The following RPL7L1 variants were observed in gnomAD, a reference collection of about 807,000 sequenced individuals.
RPL7L1 encodes the protein ribosomal protein L7 like 1.
Under a neutral mutation model 30.3 loss-of-function variants are expected in RPL7L1, and 20 were observed. The ratio of observed to expected loss-of-function variants is 0.66; its 90% CI spans 0.46 to 0.96. The LOEUF (loss-of-function observed/expected upper bound fraction) is 0.96. Among genes scored for constraint, RPL7L1 ranks in the 40% least tolerant of loss-of-function variants. The pLI is 0.00. For synonymous variants in RPL7L1, 107 were observed against 110.1 expected (o/e 0.97, Z 0.18); for missense variants, 271 against 314.9 (o/e 0.86, Z 1.05).
At chr6:42,884,835 T>A (rs1182062142) in intron 4 of RPL7L1, 85 bp downstream of exon 4, 7 of 1,363,018 alleles carry the variant, frequency 5.1e-6, no homozygotes, top group Middle Eastern at 1.8e-4. Flanking sequence ...CCAGGGCTCA[T>A]GTTGCTGTAG....
rs776860937 is a variant in RPL7L1, at chr6:42,884,664, A to G, written c.363A>G (p.Leu121=). Residue 121 remains leucine, a synonymous_variant, in exon 4 of 6, where the codon CTA becomes CTG. Coordinates refer to ENST00000493763, the MANE Select transcript of RPL7L1 (RefSeq NM_001366481.3). ...AGAGAACCATTGCAAGACTTCGCCT[A>G]AAGAAAATTTTTAGTGGTGTCTTTG... ...LVQRTIARLR[L]KKIFSGVFVK... 6.2e-7 allele frequency: 1 copy of G among 1,613,956 alleles called. No individual in the cohort carries two copies. The highest frequency in any genetic ancestry group is 8.5e-7 in the Non-Finnish European group (1 of 1,179,912).
In RPL7L1 at chr6:42,879,826, G is replaced by A; in HGVS notation, c.-85G>A. ...CACTGCGGCTAAGTGAACGCTGACT[G>A]GTCCTCCAGCGTGAGCTAGAACAGA... is the stretch of plus-strand genomic sequence containing the variant. On this transcript the variant is annotated 5_prime_UTR_variant, in exon 1 of 6. Coordinates refer to ENST00000493763, the MANE Select transcript of RPL7L1 (RefSeq NM_001366481.3). 1 of 1,432,410 alleles carries A rather than the reference G, an allele frequency of 7.0e-7. No homozygotes were observed. The highest frequency in any genetic ancestry group is 9.8e-7 in the Non-Finnish European group (1 of 1,017,522). 88.7% of individuals were successfully genotyped at this position (1,432,410 alleles called of 1,614,324 possible).
Position 42,879,777 on chromosome 6 carries a change from G to A in RPL7L1, c.-134G>A. On this transcript the variant is annotated 5_prime_UTR_variant, in exon 1 of 6. Transcript: ENST00000493763. ...AGCGGTGCAACTTTTGGCAGGAATC[G>A]GGGTTAGCGGGACCTCAAGGGCTCA... 3 of 832,666 alleles carry A rather than the reference G, an allele frequency of 3.6e-6. No individual in the cohort carries two copies. The highest frequency in any genetic ancestry group is 3.6e-4 in the Middle Eastern group (1 of 2,746). The allele number at this position is 832,666 out of a possible 1,614,324, so 51.6% of individuals were successfully genotyped here.
At chr6:42,881,067 CG>C in intron 2 of RPL7L1, 101 bp downstream of exon 2, 2 of 695,224 alleles carry the variant, frequency 2.9e-6, no homozygotes, top group Non-Finnish European at 5.1e-6. Context: ...CTCCCCCCAA[CG>C]GTTTGACAGA....
At chr6:42,885,045 C>T (rs1270620823) in intron 4 of RPL7L1, among the ~76,000 whole-genome samples, 1 of 152,138 alleles carries the variant, frequency 6.6e-6, no homozygotes, top group African/African-American at 2.4e-5. Flanking sequence ...GAGTAGTATT[C>T]CTGGCCGGAC....
rs1766310121 is a variant in RPL7L1 at position 42,887,387 on chromosome 6, A to G, written c.*923A>G. On this transcript the variant is annotated 3_prime_UTR_variant, in exon 6 of 6. Coordinates refer to ENST00000493763, the MANE Select transcript of RPL7L1 (RefSeq NM_001366481.3). The stretch of plus-strand genomic sequence containing the variant: ...CACCTGAGGTTGGGAGTTCGAGACC[A>G]GCCTGACCAACATGGAGAAATGCCA... 1 of 152,142 alleles carries G rather than the reference A, an allele frequency of 6.6e-6. No individual in the cohort carries two copies. Among genetic ancestry groups the G allele is most frequent in the African/African-American group, 2.4e-5 (1 of 41,406 alleles). The allele number at this position is 152,142 out of a possible 1,614,324, so 9.4% of individuals were successfully genotyped here.
In RPL7L1 at chr6:42,879,705, A is replaced by C. The variant is rs1765996384; in HGVS notation, c.-206A>C. The C allele has an allele frequency of 1.8e-6, 1 of 541,802 alleles. No individual in the cohort carries two copies. Among genetic ancestry groups the C allele is most frequent in the Non-Finnish European group, 3.4e-6 (1 of 297,992 alleles). The allele number at this position is 541,802 out of a possible 1,614,324, so 33.6% of individuals were successfully genotyped here. ...TTGTGATGAAACTGTAACTTACAAG[A>C]AAAGGGCTGGGTTTTGAAAATAACA... On this transcript the variant is annotated 5_prime_UTR_variant, in exon 1 of 6. Transcript: ENST00000493763.
intron 1 of RPL7L1, 116 bp downstream of exon 1, chr6:42,880,067 GT>G: frequency 9.6e-7 from 1 of 1,045,310 alleles, no homozygotes; most frequent in Non-Finnish European, 1.5e-6. Flanking sequence ...AAAGGCCACA[GT>G]TTACAAAGGG....
chr6:42,885,877 T>G, intron 4 of RPL7L1, 97 bp from the exon 5 acceptor site: 1 of 702,590 alleles, frequency 1.4e-6, no homozygotes, highest in South Asian at 1.6e-5. Flanking sequence ...GAGAAGTGAG[T>G]GTGTGGGAGA....
At position 42,884,583 on chromosome 6, in the gene RPL7L1, C is replaced by T; in HGVS notation, c.312-30C>T. On this transcript the variant is annotated intron_variant, in intron 3 of 5. Coordinates refer to ENST00000493763, the MANE Select transcript of RPL7L1 (RefSeq NM_001366481.3). ...TGGACTGACATAAACTGGAGGGAGT[C>T]TGTCTGACTTCTGTTGCTGTTCATT... 4 of 1,605,696 alleles carry T rather than the reference C, an allele frequency of 2.5e-6. No individual in the cohort carries two copies. In the South Asian group the frequency reaches 3.3e-5, roughly 13 times the overall value.
chr6:42,880,021 C>T, intron 1 of RPL7L1, 70 bp downstream of exon 1: 2 of 1,472,756 alleles, frequency 1.4e-6, no homozygotes, highest in Non-Finnish European at 1.9e-6. Flanking sequence ...GGTGTTTATG[C>T]CTTGGTGGCG....
chr6:42,883,434 G>A lies in RPL7L1; in HGVS notation c.148-17G>A, dbSNP rs1278144575. On this transcript the variant is annotated splice_polypyrimidine_tract_variant and intron_variant, in intron 2 of 5. Coordinates refer to ENST00000493763, the MANE Select transcript of RPL7L1 (RefSeq NM_001366481.3). ...ATGGAGGCACAAGATGATGATGATGGTCTGTCTTCTCTGTAGCAGAAGAAA... is the reference window on the plus strand; with the variant it reads ...ATGGAGGCACAAGATGATGATGATGATCTGTCTTCTCTGTAGCAGAAGAAA... 11 of 1,543,466 alleles carry A rather than the reference G, an allele frequency of 7.1e-6. No homozygotes were observed. Among genetic ancestry groups the A allele is most frequent in the African/African-American group, 1.4e-5 (1 of 72,148 alleles).
chr6:42,880,983 A>C lies in RPL7L1; in HGVS notation c.147+17A>C. On this transcript the variant is annotated intron_variant, in intron 2 of 5. Coordinates refer to ENST00000493763, the MANE Select transcript of RPL7L1 (RefSeq NM_001366481.3). ...AAGAAGGAGGTAATGGTGGGGAACC[A>C]AGAGAAAGTAATTAGAATTTTTATT... 1 of 1,289,694 alleles carries C rather than the reference A, an allele frequency of 7.8e-7. No individual in the cohort carries two copies. The highest frequency in any genetic ancestry group is 1.1e-6 in the Non-Finnish European group (1 of 886,102). The allele number at this position is 1,289,694 out of a possible 1,614,324, so 79.9% of individuals were successfully genotyped here. A position where few individuals can be genotyped will look rare whatever the true frequency, so the allele number is the denominator to read the frequency against.
chr6:42,889,224 T>C lies in RPL7L1; in HGVS notation c.*2760T>C, dbSNP rs947953854. ...AGGAGGCTGAGGCAGGCAGATCACTTGAGGTCAGGAGTTCGAGACCAGCCT... is the reference window on the plus strand; with the variant it reads ...AGGAGGCTGAGGCAGGCAGATCACTCGAGGTCAGGAGTTCGAGACCAGCCT... On this transcript the variant is annotated 3_prime_UTR_variant, in exon 6 of 6. Transcript: ENST00000493763. 6.6e-6 allele frequency: 1 copy of C among 152,282 alleles called. No homozygotes were observed. Among genetic ancestry groups the C allele is most frequent in the African/African-American group, 2.4e-5 (1 of 41,446 alleles). The allele number at this position is 152,282 out of a possible 1,614,324, so 9.4% of individuals were successfully genotyped here. A position where few individuals can be genotyped will look rare whatever the true frequency, so the allele number is the denominator to read the frequency against.
chr6:42,884,369 A>G (rs374212063), intron 3 of RPL7L1, among the ~76,000 whole-genome samples: 1 of 152,158 alleles, frequency 6.6e-6, no homozygotes, highest in African/African-American at 2.4e-5. Context: ...GTGTAGACCT[A>G]CATACCACCA....
Position 42,883,604 on chromosome 6 carries a change from C to T in RPL7L1, c.301C>T (p.Arg101Cys), listed in dbSNP as rs191520270. ...TAAACATTCCTTGGCCTTTGTTGTA[C>T]GCATCGAAAGGTAAGGAACTGGTGT... ...PDKHSLAFVV[R>C]IERIDGVSLL... The change falls in exon 3 of 6, where the codon CGC becomes TGC. Residue 101 changes from arginine to cysteine, a missense_variant. Physicochemically the swap from Arg to Cys is radical, Grantham distance 180. Coordinates refer to ENST00000493763, the MANE Select transcript of RPL7L1 (RefSeq NM_001366481.3). The T allele has an allele frequency of 2.3e-5, 36 of 1,591,648 alleles. No individual in the cohort carries two copies. Among genetic ancestry groups the T allele is most frequent in the South Asian group, 3.5e-5 (3 of 86,854 alleles).
chr6:42,879,973 T>C (rs1300045119), intron 1 of RPL7L1, 22 bp downstream of exon 1: 1 of 1,613,002 alleles, frequency 6.2e-7, no homozygotes, highest in Non-Finnish European at 8.5e-7. Context: ...GGGCTTTGAA[T>C]ATCTGGAGTG....
intron 2 of RPL7L1, 44 bp from the exon 3 acceptor site, chr6:42,883,407 G>A (rs1287826624): frequency 3.4e-6 from 5 of 1,487,196 alleles, no homozygotes; most frequent in African/African-American, 1.4e-5. Flanking sequence ...AAGTAAAAAT[G>A]TATGGAGGCA....
chr6:42,880,802 C>G (rs549027167), intron 1 of RPL7L1, 59 bp from the exon 2 acceptor site: 1 of 990,370 alleles, frequency 1.0e-6, no homozygotes. Context: ...CTTGAGCCAC[C>G]GAGCCCGGCC....
Sources: allele counts gnomAD v4.1 joint callset (sites outside exome capture counted in the v4.1 genomes callset), GRCh38; gene constraint gnomAD v4.1.1; transcripts MANE v1.5; gene names NCBI Gene and HGNC (gene_info 2026-07-23, HGNC 2026-07-21).